UNC13B: variants seen among roughly 807,000 people sequenced by gnomAD.
UNC13B encodes the protein unc-13 homolog B.
In UNC13B, 144 loss-of-function variants were observed where a neutral mutation model predicts 211.0. The observed-to-expected ratio is 0.68, with a 90% confidence interval of 0.60 to 0.78. UNC13B has a LOEUF of 0.78. Ranked by LOEUF, UNC13B falls within the 30% of genes least tolerant of loss-of-function variation. The pLI, the probability that UNC13B is intolerant of heterozygous loss-of-function variation, is 0.00. For synonymous variants in UNC13B, 709 were observed against 725.8 expected (o/e 0.98, Z 0.37); for missense variants, 1,777 against 2,002.0 (o/e 0.89, Z 2.14).
At chr9:35,371,194 CT>C (rs1389834198) in intron 13 of UNC13B, among the ~76,000 whole-genome samples, 1 of 152,006 alleles carries the variant, frequency 6.6e-6, no homozygotes, top group Non-Finnish European at 1.5e-5. Context: ...CTAACCACCC[CT>C]CTTCCCTCTT....
At chr9:35,234,661 T>C (rs1007582563) in intron 3 of UNC13B, among the ~76,000 whole-genome samples, 1 of 152,206 alleles carries the variant, frequency 6.6e-6, no homozygotes, top group Non-Finnish European at 1.5e-5. Flanking sequence ...TCCTATATTA[T>C]GTTTCTACTC....
chr9:35,177,360 A>G (rs2131285064), intron 1 of UNC13B, among the ~76,000 whole-genome samples: 1 of 152,326 alleles, frequency 6.6e-6, no homozygotes, highest in East Asian at 1.9e-4. Context: ...AATAAGACCG[A>G]GGAAGGGGCA....
intron 1 of UNC13B, among the ~76,000 whole-genome samples, chr9:35,191,077 A>G (rs987496017): frequency 2.0e-5 from 3 of 151,990 alleles, no homozygotes; most frequent in Non-Finnish European, 2.9e-5. Flanking sequence ...CTCCTGCCTC[A>G]GCCTCCCAAA....
chr9:35,247,652 A>C (rs1057049293), intron 6 of UNC13B, among the ~76,000 whole-genome samples: 7 of 152,196 alleles, frequency 4.6e-5, no homozygotes, highest in African/African-American at 1.7e-4. Context: ...ATGCTGAATT[A>C]GATTTATTGA....
At chr9:35,384,720 G>T in intron 22 of UNC13B, 2 of 985,392 alleles carry the variant, frequency 2.0e-6, no homozygotes, top group Non-Finnish European at 2.4e-6. Flanking sequence ...TCTGGCTAGG[G>T]GACAGAGAGT....
At chr9:35,390,088 T>C in intron 25 of UNC13B, 115 bp downstream of exon 25, 7 of 1,523,448 alleles carry the variant, frequency 4.6e-6, no homozygotes, top group Middle Eastern at 1.7e-4. Flanking sequence ...TTCCTGTCCA[T>C]CCATCTGTCC....
intron 2 of UNC13B, among the ~76,000 whole-genome samples, chr9:35,230,754 T>C (rs1024719175): frequency 6.6e-6 from 1 of 152,158 alleles, no homozygotes; most frequent in Non-Finnish European, 1.5e-5. Context: ...ATTAACATAG[T>C]AGGTTAGGAT....
intron 11 of UNC13B, among the ~76,000 whole-genome samples, chr9:35,339,422 G>A (rs927084417): frequency 6.6e-6 from 1 of 152,160 alleles, no homozygotes; most frequent in Non-Finnish European, 1.5e-5. Flanking sequence ...TTGCCTGCTT[G>A]TCCCAAAGAG....
intron 6 of UNC13B, among the ~76,000 whole-genome samples, chr9:35,249,809 T>C (rs953590443): frequency 6.6e-6 from 1 of 152,206 alleles, no homozygotes; most frequent in Non-Finnish European, 1.5e-5. Context: ...ATTTCAACTT[T>C]GGTGAATCTG....
chr9:35,290,796 A>C (rs1829060651), intron 7 of UNC13B, among the ~76,000 whole-genome samples: 1 of 152,080 alleles, frequency 6.6e-6, no homozygotes, highest in Admixed American at 6.6e-5. Context: ...ATATGGAAGA[A>C]GTAATTTTTT....
intron 13 of UNC13B, among the ~76,000 whole-genome samples, chr9:35,372,259 A>G (rs953875430): frequency 1.3e-5 from 2 of 152,222 alleles, no homozygotes; most frequent in African/African-American, 4.8e-5. Flanking sequence ...GCGACAGTGC[A>G]AGACTCTGTC....
chr9:35,389,594 A>T (rs1835398834), intron 24 of UNC13B, among the ~76,000 whole-genome samples: 1 of 152,106 alleles, frequency 6.6e-6, no homozygotes, highest in African/African-American at 2.4e-5. Context: ...GGGCATCCTT[A>T]TGTCTCTTGG....
intron 7 of UNC13B, among the ~76,000 whole-genome samples, chr9:35,267,230 A>G (rs987326493): frequency 3.9e-5 from 6 of 152,194 alleles, no homozygotes; most frequent in Non-Finnish European, 7.3e-5. Context: ...TCCAAGTTGC[A>G]CTTGCTCCAA....
At chr9:35,358,479 G>GT (rs199979959) in intron 11 of UNC13B, among the ~76,000 whole-genome samples, 44 of 151,710 alleles carry the variant, frequency 2.9e-4, no homozygotes, top group Middle Eastern at 3.4e-3. Flanking sequence ...TTTCTGTTTT[G>GT]TTTTTTTTAA....
At chr9:35,338,449 A>T (rs1831792056) in intron 11 of UNC13B, among the ~76,000 whole-genome samples, 1 of 152,114 alleles carries the variant, frequency 6.6e-6, no homozygotes, top group Admixed American at 6.5e-5. Context: ...CTCCCCTAGG[A>T]TGGCATGCTC....
chr9:35,381,241 G>A (rs1834813486), intron 19 of UNC13B, 26 bp downstream of exon 19: 2 of 1,596,742 alleles, frequency 1.3e-6, no homozygotes, highest in Admixed American at 1.7e-5. Context: ...GTAGGTGGGG[G>A]ATCAGAAAGC....
At chr9:35,327,760 G>A (rs1043471135) in intron 11 of UNC13B, among the ~76,000 whole-genome samples, 8 of 152,110 alleles carry the variant, frequency 5.3e-5, no homozygotes, top group East Asian at 3.9e-4. Flanking sequence ...AACCATTACC[G>A]TCAATGAAAG....
intron 11 of UNC13B, among the ~76,000 whole-genome samples, chr9:35,322,853 T>C (rs528170636): frequency 2.0e-5 from 3 of 152,204 alleles, no homozygotes; most frequent in Non-Finnish European, 2.9e-5. Context: ...CTCTTTGCCC[T>C]CATGGAGACT....
At chr9:35,400,237 T>C in intron 36 of UNC13B, 59 bp from the exon 37 acceptor site, 1 of 1,591,180 alleles carries the variant, frequency 6.3e-7, no homozygotes, top group Non-Finnish European at 8.6e-7. Flanking sequence ...GAGGACAATG[T>C]TGGGGAGCTG....
Sources: gnomAD v4.1 joint callset for allele counts (sites outside exome capture counted in the v4.1 genomes callset) on GRCh38, gnomAD v4.1.1 for gene constraint, MANE v1.5 for transcripts, NCBI Gene and HGNC (gene_info 2026-07-23, HGNC 2026-07-21) for gene names.